Variants in WDFY3 observed in about 807,000 individuals in gnomAD.
WDFY3 encodes WD repeat and FYVE domain-containing protein 3.
In WDFY3, 66 loss-of-function variants were observed where a neutral mutation model predicts 409.6. That is an observed-to-expected ratio of 0.16 (90% CI 0.13 to 0.20). The LOEUF is 0.20. Among genes scored for constraint, WDFY3 ranks in the 10% least tolerant of loss-of-function variants. The pLI is 1.00. For synonymous variants in WDFY3, 1,521 were observed against 1,537.1 expected, an observed-to-expected ratio of 0.99 and a Z score of 0.25; for missense variants, 3,031 against 4,298.1, an observed-to-expected ratio of 0.71 and a Z score of 8.24.
Position 84,736,144 on chromosome 4 carries a change from T to A in WDFY3, c.6915+26A>T, listed in dbSNP as rs527565801. 1.9e-6 allele frequency: 3 copies of A among 1,596,804 alleles called. No individual in the cohort carries two copies. In the African/African-American group the frequency reaches 4.1e-5, roughly 22 times the overall value. On this transcript the variant is annotated intron_variant, in intron 42 of 67. Transcript: ENST00000295888. ...ATATTATACAAAATACTACAACTAA[T>A]ATCAGCAATGAAACTAAAAAAGTAC...
At position 84,831,400 on chromosome 4, in the gene WDFY3, A is replaced by T. The variant is rs1365026412; in HGVS notation, c.769+13T>A. 1.0e-5 allele frequency: 16 copies of T among 1,543,078 alleles called. No homozygotes were observed. The highest frequency in any genetic ancestry group is 1.4e-5 in the Non-Finnish European group (16 of 1,142,794). ...GAAATTTAGAACACTTAAATATATAAAGAGATATTCACCATGAATATACTT... is the reference window on the plus strand; with the variant it reads ...GAAATTTAGAACACTTAAATATATATAGAGATATTCACCATGAATATACTT... On this transcript the variant is annotated intron_variant, in intron 8 of 67. Transcript: ENST00000295888.
At chr4:84,965,895 T>C (rs913445256) in intron 1 of WDFY3, 1 of 152,302 alleles carries the variant, frequency 6.6e-6, no homozygotes. Context: ...TCCCCCGAAA[T>C]ATCCCGGTTC....
At chr4:84,771,311 T>C (rs559289506) in intron 30 of WDFY3, among the ~76,000 whole-genome samples, 8 of 152,298 alleles carry the variant, frequency 5.3e-5, no homozygotes, top group South Asian at 4.1e-4. Context: ...TTAATTTTTG[T>C]ATTTTTTGTA....
At position 84,860,715 on chromosome 4, in the gene WDFY3, T is replaced by C. The variant is rs769482161; in HGVS notation, c.-31-93A>G. 363 of 1,102,118 alleles carry C rather than the reference T, an allele frequency of 3.3e-4. 1 individual carries two copies. Among genetic ancestry groups the C allele is most frequent in the Non-Finnish European group, 4.1e-4 (349 of 854,270 alleles). The allele number at this position is 1,102,118 out of a possible 1,614,324, so 68.3% of individuals were successfully genotyped here. ...AAGAGCTTATAAGAAATTTGCAAAA[T>C]AGAAAATTCTGTCTAAAATATATCT... On this transcript the variant is annotated intron_variant, in intron 3 of 67. Coordinates refer to ENST00000295888, the MANE Select transcript of WDFY3 (RefSeq NM_014991.6).
chr4:84,870,345 A>C (rs1378565577), intron 3 of WDFY3, among the ~76,000 whole-genome samples: 1 of 152,192 alleles, frequency 6.6e-6, no homozygotes, highest in African/African-American at 2.4e-5. Context: ...CAGGGCAAAC[A>C]AACCCCAGAA....
chr4:84,686,419 T>C (rs1728340427), intron 62 of WDFY3, among the ~76,000 whole-genome samples: 1 of 152,224 alleles, frequency 6.6e-6, no homozygotes. Context: ...ACGTCTGCCA[T>C]TATTAATCAA....
At chr4:84,818,772 C>T (rs1753671287) in intron 12 of WDFY3, among the ~76,000 whole-genome samples, 1 of 152,006 alleles carries the variant, frequency 6.6e-6, no homozygotes, top group South Asian at 2.1e-4. Flanking sequence ...CATCACACAG[C>T]TAGTAACATC....
intron 1 of WDFY3, among the ~76,000 whole-genome samples, chr4:84,937,763 A>G (rs1771615167): frequency 6.6e-6 from 1 of 152,066 alleles, no homozygotes; most frequent in African/African-American, 2.4e-5. Context: ...CCCTGACTTC[A>G]TTTCCTACCA....
chr4:84,910,470 T>C (rs1767609569), intron 2 of WDFY3, among the ~76,000 whole-genome samples: 1 of 152,090 alleles, frequency 6.6e-6, no homozygotes, highest in African/African-American at 2.4e-5. Context: ...AGGATGGTAA[T>C]ATGGACCAAC....
chr4:84,915,450 T>C (rs939387131), intron 2 of WDFY3, among the ~76,000 whole-genome samples: 4 of 152,128 alleles, frequency 2.6e-5, no homozygotes, highest in Non-Finnish European at 4.4e-5. Context: ...TAAACTAATA[T>C]AGTACTAGCT....
intron 24 of WDFY3, among the ~76,000 whole-genome samples, chr4:84,783,945 T>C (rs1192370825): frequency 1.3e-5 from 2 of 151,840 alleles, no homozygotes; most frequent in African/African-American, 4.8e-5. Flanking sequence ...CCTGGTCTCT[T>C]GATATCCTTC....
intron 17 of WDFY3, among the ~76,000 whole-genome samples, chr4:84,799,343 T>A (rs1415170708): frequency 4.6e-5 from 7 of 151,018 alleles, no homozygotes; most frequent in East Asian, 1.9e-4. Context: ...TATATATTTT[T>A]TTTTTTTTTG....
chr4:84,690,172 AAATT>A (rs1729018231), intron 61 of WDFY3, among the ~76,000 whole-genome samples: 1 of 152,342 alleles, frequency 6.6e-6, no homozygotes, highest in Admixed American at 6.5e-5. Context: ...CCCTGGAAGG[AAATT>A]AATATGAGTC....
At chr4:84,907,568 C>T (rs1219057922) in intron 2 of WDFY3, among the ~76,000 whole-genome samples, 2 of 152,204 alleles carry the variant, frequency 1.3e-5, no homozygotes, top group African/African-American at 4.8e-5. Context: ...ATCCTGACTA[C>T]AACCTTATGA....
At chr4:84,894,144 C>T (rs1047532395) in intron 3 of WDFY3, among the ~76,000 whole-genome samples, 2 of 152,036 alleles carry the variant, frequency 1.3e-5, no homozygotes, top group Non-Finnish European at 2.9e-5. Flanking sequence ...AAATAAATGT[C>T]CATATTCAAA....
chr4:84,803,507 A>G (rs1750997124), intron 15 of WDFY3, 40 bp from the exon 16 acceptor site: 2 of 1,565,552 alleles, frequency 1.3e-6, no homozygotes, highest in Non-Finnish European at 1.7e-6. Context: ...TTGAATTCCA[A>G]TCACATTCTC....
intron 4 of WDFY3, among the ~76,000 whole-genome samples, chr4:84,853,627 T>G (rs930024930): frequency 1.3e-5 from 2 of 152,192 alleles, no homozygotes; most frequent in African/African-American, 4.8e-5. Flanking sequence ...TCTTGAACAG[T>G]TGTTAAGGAT....
rs554993813 is a variant in WDFY3, at chr4:84,799,174, T to C, written c.2823-1066A>G. Among the ~76,000 whole-genome samples, 6 of 152,196 alleles carry C rather than the reference T, an allele frequency of 3.9e-5. No homozygotes were observed. In the South Asian group the frequency reaches 1.2e-3, roughly 32 times the overall value. ...ATTTATCATCATTTTTTTGTGTGTG[T>C]GAGACAGCCTCTTGCTCTGTCACTC... is the stretch of plus-strand genomic sequence containing the variant. On this transcript the variant is annotated intron_variant, in intron 17 of 67. Transcript: ENST00000295888.
At chr4:84,837,892 G>A (rs958665374) in intron 6 of WDFY3, among the ~76,000 whole-genome samples, 12 of 152,212 alleles carry the variant, frequency 7.9e-5, no homozygotes, top group East Asian at 3.9e-4. Context: ...ATGCAAAGAC[G>A]AAGCATCTCT....
Sources: gnomAD v4.1 joint callset for allele counts (sites outside exome capture counted in the v4.1 genomes callset) on GRCh38, gnomAD v4.1.1 for gene constraint, MANE v1.5 for transcripts, NCBI Gene and HGNC (gene_info 2026-07-23, HGNC 2026-07-21) for gene names.